DNAH9: variants seen among roughly 807,000 people sequenced by gnomAD.
The protein encoded by DNAH9 is DNAH9 variant protein.
DNAH9 carries 345 observed loss-of-function variants against 471.6 expected under a neutral mutation model. The observed-to-expected ratio is 0.73, with a 90% CI of 0.67 to 0.80. The LOEUF (loss-of-function observed/expected upper bound fraction) is 0.80, where lower values mean the gene tolerates loss of function less well. DNAH9 is among the 30% of genes least tolerant of loss of function. The probability of loss-of-function intolerance (pLI) is 0.00; values close to 1 mark genes in which losing one functional copy is unlikely to be tolerated. For missense variants in DNAH9, 5,407 were observed against 5,609.2 expected (o/e 0.96, Z 1.15); for synonymous variants, 2,093 against 2,123.6 (o/e 0.99, Z 0.40).
At chr17:11,708,010 CACACAGAG>C (rs1354486954) in intron 26 of DNAH9, among the ~76,000 whole-genome samples, 201 of 48,120 alleles carry the variant, frequency 4.2e-3, no homozygotes, top group African/African-American at 0.012. Context: ...CACACACACA[CACACAGAG>C]AGAGAGAGAG....
intron 50 of DNAH9, among the ~76,000 whole-genome samples, chr17:11,864,079 G>A (rs1361758199): frequency 6.6e-6 from 1 of 151,024 alleles, no homozygotes; most frequent in Non-Finnish European, 1.5e-5. Flanking sequence ...AAATGTGTTT[G>A]CTCTTGCTTT....
At chr17:11,699,409 C>A (rs2074552477) in intron 22 of DNAH9, among the ~76,000 whole-genome samples, 1 of 152,152 alleles carries the variant, frequency 6.6e-6, no homozygotes, top group South Asian at 2.1e-4. Context: ...AGAAGGTTTA[C>A]AACTGGACCA....
intron 28 of DNAH9, among the ~76,000 whole-genome samples, chr17:11,734,692 C>T (rs2075317912): frequency 6.6e-6 from 1 of 152,218 alleles, no homozygotes; most frequent in Non-Finnish European, 1.5e-5. Flanking sequence ...TTTGTGAAGG[C>T]TTCCTGGACC....
intron 61 of DNAH9, among the ~76,000 whole-genome samples, chr17:11,923,553 C>T (rs1216238846): frequency 4.6e-5 from 7 of 152,144 alleles, no homozygotes; most frequent in Admixed American, 6.5e-5. Flanking sequence ...CCTGGTGATC[C>T]GCTCGCCTCG....
intron 61 of DNAH9, among the ~76,000 whole-genome samples, chr17:11,913,905 T>A (rs1973864205): frequency 6.6e-6 from 1 of 152,230 alleles, no homozygotes; most frequent in South Asian, 2.1e-4. Flanking sequence ...GTGTCAGCTA[T>A]GTCTTTGTTT....
rs114716000 is a variant in DNAH9, at chr17:11,897,587, C to A, written c.11406+3091C>A. On this transcript the variant is annotated intron_variant, in intron 59 of 68. Coordinates refer to ENST00000262442, the MANE Select transcript of DNAH9 (RefSeq NM_001372.4). The stretch of plus-strand genomic sequence containing the variant: ...GTTCTGTAAAGCGGTTCTGAATGAA[C>A]CCCTTTGCAGAACTGGAGCAATGAT... Among the ~76,000 whole-genome samples, 1,180 of 152,220 alleles carry A rather than the reference C, an allele frequency of 7.8e-3. 18 individuals are homozygous for A. Among genetic ancestry groups the A allele is most frequent in the African/African-American group, 0.027 (1,110 of 41,532 alleles).
intron 32 of DNAH9, among the ~76,000 whole-genome samples, chr17:11,748,527 C>G (rs1203831606): frequency 6.6e-6 from 1 of 152,098 alleles, no homozygotes; most frequent in Non-Finnish European, 1.5e-5. Context: ...TTTGATGTTG[C>G]CCCAGCAGTG....
chr17:11,665,518 G>A (rs1477251463), intron 15 of DNAH9, among the ~76,000 whole-genome samples: 1 of 152,182 alleles, frequency 6.6e-6, no homozygotes, highest in East Asian at 1.9e-4. Flanking sequence ...GAACACAATG[G>A]GCATTCTTTG....
intron 48 of DNAH9, among the ~76,000 whole-genome samples, chr17:11,832,620 A>C (rs1386844733): frequency 6.6e-6 from 1 of 152,226 alleles, no homozygotes; most frequent in Non-Finnish European, 1.5e-5. Flanking sequence ...ATTAAAGAGC[A>C]TTCTCTTTTT....
chr17:11,942,036 T>TAG (rs1160976604), intron 66 of DNAH9, among the ~76,000 whole-genome samples: 1 of 152,142 alleles, frequency 6.6e-6, no homozygotes, highest in Non-Finnish European at 1.5e-5. Context: ...TCCAAATTCT[T>TAG]AGAGAGCTAT....
At position 11,652,769 on chromosome 17, in the gene DNAH9, G is replaced by C. The variant is rs774162630; in HGVS notation, c.2362G>C (p.Asp788His). Reference sequence around the variant, plus strand: ...TTTCTTTTGGGGAACAGGCATTTGCGATTATGTCACTGAAATCACCAGTAG... The same window carrying C: ...TTTCTTTTGGGGAACAGGCATTTGCCATTATGTCACTGAAATCACCAGTAG... ...TLNWKTEGICDYVTEITSSIH... is the reference protein window; with the variant it reads ...TLNWKTEGICHYVTEITSSIH... The change falls in exon 14 of 69, where the codon GAT becomes CAT. Residue 788 changes from aspartate to histidine, a missense_variant. By Grantham distance (81) the Asp-to-His change is moderately conservative. This residue lies in a region of DNAH9 where 4,636 missense variants were observed against 4,900.3 expected (regional missense o/e 0.95). Coordinates refer to ENST00000262442, the MANE Select transcript of DNAH9 (RefSeq NM_001372.4). The C allele has an allele frequency of 6.2e-7, 1 of 1,613,048 alleles. No homozygotes were observed. Among genetic ancestry groups the C allele is most frequent in the South Asian group, 1.1e-5 (1 of 90,880 alleles).
At chr17:11,870,097 A>T (rs1972208650) in intron 51 of DNAH9, among the ~76,000 whole-genome samples, 1 of 152,222 alleles carries the variant, frequency 6.6e-6, no homozygotes, top group South Asian at 2.1e-4. Flanking sequence ...AACTCAGGAC[A>T]TCAAGGACAA....
At chr17:11,801,270 A>G (rs963888877) in intron 43 of DNAH9, among the ~76,000 whole-genome samples, 1 of 152,194 alleles carries the variant, frequency 6.6e-6, no homozygotes, top group Non-Finnish European at 1.5e-5. Flanking sequence ...GCTTCTTCAA[A>G]TATTTTTTTG....
intron 67 of DNAH9, among the ~76,000 whole-genome samples, chr17:11,958,815 C>G (rs1336707383): frequency 6.6e-6 from 1 of 151,836 alleles, no homozygotes. Flanking sequence ...TAACGTGACA[C>G]CAAATACGTT....
At chr17:11,666,972 C>T (rs993816886) in intron 15 of DNAH9, among the ~76,000 whole-genome samples, 1 of 152,162 alleles carries the variant, frequency 6.6e-6, no homozygotes, top group African/African-American at 2.4e-5. Flanking sequence ...ATATGCTTCC[C>T]ACTCCATAGA....
In DNAH9 at chr17:11,677,206, A is replaced by G. The variant is rs577528339; in HGVS notation, c.3354-2551A>G. Among the ~76,000 whole-genome samples, 121 of 152,068 alleles carry G rather than the reference A, an allele frequency of 8.0e-4. 1 individual carries two copies. In the South Asian group the frequency reaches 8.5e-3, roughly 11 times the overall value. ...TATCTTCACTGCCTTTTTTTAATCT[A>G]CTTAATCTATCATCACTTACTAAGA... On this transcript the variant is annotated intron_variant, in intron 17 of 68. Transcript: ENST00000262442.
intron 49 of DNAH9, among the ~76,000 whole-genome samples, chr17:11,848,413 TTAAA>T (rs1266324067): frequency 3.3e-5 from 5 of 152,098 alleles, no homozygotes; most frequent in African/African-American, 1.2e-4. Context: ...TTTTTTTTAT[TTAAA>T]TAATATTTCC....
intron 43 of DNAH9, 27 bp from the exon 44 acceptor site, chr17:11,807,705 A>G: frequency 2.5e-6 from 4 of 1,588,796 alleles, no homozygotes; most frequent in Non-Finnish European, 3.4e-6. Context: ...TGATCAAAGC[A>G]ACATGTGCCT....
chr17:11,608,923 T>C (rs2072567304), intron 2 of DNAH9, among the ~76,000 whole-genome samples: 2 of 152,322 alleles, frequency 1.3e-5, no homozygotes, highest in Non-Finnish European at 2.9e-5. Flanking sequence ...AGAAGTTGAA[T>C]CCACCGTCAG....
Sources: gnomAD v4.1 joint callset for allele counts (sites outside exome capture counted in the v4.1 genomes callset) on GRCh38, gnomAD v4.1.1 for gene constraint, gnomAD v4.1.1 regional missense constraint, MANE v1.5 for transcripts, NCBI Gene and HGNC (gene_info 2026-07-23, HGNC 2026-07-21) for gene names.